Variants in HMOX2 observed in about 807,000 individuals in gnomAD.
HMOX2 encodes heme oxygenase (decycling) 2.
A neutral mutation model predicts 33.7 loss-of-function variants in HMOX2; 30 were observed. That is an observed-to-expected ratio of 0.89 (90% CI 0.67 to 1.21). HMOX2 has a LOEUF of 1.21. Among genes scored for constraint, HMOX2 ranks in the 50% most tolerant of loss-of-function variants. HMOX2 has a pLI of 0.00. For synonymous variants in HMOX2, 155 were observed against 155.0 expected, an observed-to-expected ratio of 1.00 and a Z score of 0.00; for missense variants, 403 against 399.1, an observed-to-expected ratio of 1.01 and a Z score of -0.08.
At position 4,506,973 on chromosome 16, in the gene HMOX2, G is replaced by A; in HGVS notation, c.165G>A (p.Lys55=). The stretch of plus-strand genomic sequence containing the variant: ...GGGCAGAAAACACCCAGTTTGTCAA[G>A]GACTTCTTGAAAGGCAACATTAAGA... ...HDRAENTQFV[K]DFLKGNIKKE... The change falls in exon 3 of 6, where the codon AAG becomes AAA. Residue 55 remains lysine, a synonymous_variant. Transcript: ENST00000570646. The A allele has an allele frequency of 6.2e-7, 1 of 1,613,878 alleles. No homozygotes were observed. The highest frequency in any genetic ancestry group is 2.2e-5 in the East Asian group (1 of 44,880).
intron 1 of HMOX2, among the ~76,000 whole-genome samples, chr16:4,488,400 A>G (rs1013755616): frequency 2.6e-5 from 4 of 152,194 alleles, no homozygotes; most frequent in Non-Finnish European, 5.9e-5. Context: ...CTTCACTTTA[A>G]TGTGTATAGT....
intron 1 of HMOX2, among the ~76,000 whole-genome samples, chr16:4,497,348 G>A (rs2058446962): frequency 6.6e-6 from 1 of 152,122 alleles, no homozygotes; most frequent in South Asian, 2.1e-4. Context: ...ATGAAGTCTA[G>A]CCTCTGTCCC....
chr16:4,479,052 G>A (rs2057947456), intron 1 of HMOX2, among the ~76,000 whole-genome samples: 2 of 152,150 alleles, frequency 1.3e-5, no homozygotes, highest in Non-Finnish European at 1.5e-5. Flanking sequence ...TCGGGAGGCT[G>A]AGCAAGGAGA....
In HMOX2 at chr16:4,498,747, G is replaced by A. The variant is rs1248010151; in HGVS notation, c.-41-6737G>A. Among the ~76,000 whole-genome samples, 7 of 152,322 alleles carry A rather than the reference G, an allele frequency of 4.6e-5. No homozygotes were observed. In the South Asian group the frequency reaches 1.4e-3, roughly 32 times the overall value. ...TGAACCGTGGGATTGAATTCCCCCA[G>A]CGATTGAAATGAAAGGGCTTATGTA... On this transcript the variant is annotated intron_variant, in intron 1 of 5. Coordinates refer to ENST00000570646, the MANE Select transcript of HMOX2 (RefSeq NM_002134.4).
intron 1 of HMOX2, among the ~76,000 whole-genome samples, chr16:4,479,859 C>T (rs1041936284): frequency 6.7e-6 from 1 of 149,288 alleles, no homozygotes; most frequent in Non-Finnish European, 1.5e-5. Flanking sequence ...CAGCCTCAGT[C>T]TCCTGAGTAG....
intron 1 of HMOX2, among the ~76,000 whole-genome samples, chr16:4,492,622 G>C (rs1284579827): frequency 6.6e-6 from 1 of 152,040 alleles, no homozygotes; most frequent in African/African-American, 2.4e-5. Flanking sequence ...GGGAGTCTGA[G>C]GCAGGAAAAT....
intron 2 of HMOX2, 66 bp downstream of exon 2, chr16:4,505,676 G>A: frequency 3.4e-6 from 4 of 1,178,364 alleles, no homozygotes; most frequent in Non-Finnish European, 3.7e-6. Flanking sequence ...CAGCACACCT[G>A]GTTTTGTCTG....
At chr16:4,490,927 T>C (rs2058290349) in intron 1 of HMOX2, among the ~76,000 whole-genome samples, 1 of 152,332 alleles carries the variant, frequency 6.6e-6, no homozygotes, top group South Asian at 2.1e-4. Flanking sequence ...TGTGTGTGTG[T>C]GTGTGCGTGC....
At chr16:4,507,403 C>G (rs372123440) in intron 3 of HMOX2, among the ~76,000 whole-genome samples, 45 of 151,788 alleles carry the variant, frequency 3.0e-4, no homozygotes, top group African/African-American at 1.1e-3. Context: ...CGAGATCGTC[C>G]CACTGTACTC....
At position 4,509,958 on chromosome 16, in the gene HMOX2, G is replaced by A. The variant is rs1257274965; in HGVS notation, c.*202G>A. On this transcript the variant is annotated 3_prime_UTR_variant, in exon 6 of 6. Transcript: ENST00000570646. ...CCATATTCCGCACTGGGCACAGGCC[G>A]TCACCCTGGGAGCAGTCGGCACAGT... 16 of 621,124 alleles carry A rather than the reference G, an allele frequency of 2.6e-5. No homozygotes were observed. Among genetic ancestry groups the A allele is most frequent in the Middle Eastern group, 4.4e-4 (1 of 2,294 alleles). 38.5% of individuals were successfully genotyped at this position (621,124 alleles called of 1,614,324 possible).
chr16:4,483,637 A>T (rs2058088156), intron 1 of HMOX2: 1 of 152,220 alleles, frequency 6.6e-6, no homozygotes, highest in South Asian at 2.1e-4. Flanking sequence ...TTTGAGACAG[A>T]GTCTTGCTGC....
rs776861637 is a variant in HMOX2, at chr16:4,506,950, G to A, written c.142G>A (p.Ala48Thr). ...AGGGACCAAGGAAGCACACGACCGG[G>A]CAGAAAACACCCAGTTTGTCAAGGA... ...KEGTKEAHDR[A>T]ENTQFVKDFL... Residue 48 changes from alanine to threonine, a missense_variant, in exon 3 of 6, where the codon GCA becomes ACA. Coordinates refer to ENST00000570646, the MANE Select transcript of HMOX2 (RefSeq NM_002134.4). 1 of 1,614,084 alleles carries A rather than the reference G, an allele frequency of 6.2e-7. No individual in the cohort carries two copies. Among genetic ancestry groups the A allele is most frequent in the Non-Finnish European group, 8.5e-7 (1 of 1,179,976 alleles).
upstream of HMOX2, chr16:4,476,375 T>A (rs529575024): frequency 4.6e-5 from 7 of 152,334 alleles, no homozygotes; most frequent in East Asian, 1.2e-3. Context: ...CGTGCCCACG[T>A]TGCGCCGGCC....
At chr16:4,478,473 C>T (rs150934181) in intron 1 of HMOX2, among the ~76,000 whole-genome samples, 206 of 152,066 alleles carry the variant, frequency 1.4e-3, no homozygotes, top group African/African-American at 4.6e-3. Context: ...ATTGTGGGCC[C>T]GGTGCAGTGG....
At position 4,508,064 on chromosome 16, in the gene HMOX2, T is replaced by G; in HGVS notation, c.556T>G (p.Phe186Val). The G allele has an allele frequency of 6.2e-7, 1 of 1,614,018 alleles. No homozygotes were observed. Among genetic ancestry groups the G allele is most frequent in the Non-Finnish European group, 8.5e-7 (1 of 1,180,000 alleles). The change falls in exon 4 of 6, where the codon TTC becomes GTC. Residue 186 changes from phenylalanine to valine, a missense_variant. Transcript: ENST00000570646. ...KLPSTGEGTQFYLFENVDNAQ... is the reference protein window; with the variant it reads ...KLPSTGEGTQVYLFENVDNAQ... ...CCCCAGCACAGGGGAAGGGACCCAG[T>G]TCTACCTGTTTGAGAATGTGGACAA... is the stretch of plus-strand genomic sequence containing the variant.
intron 1 of HMOX2, among the ~76,000 whole-genome samples, chr16:4,487,995 T>C (rs1469643086): frequency 6.7e-6 from 1 of 149,382 alleles, no homozygotes; most frequent in Non-Finnish European, 1.5e-5. Context: ...TGGTTTTGCA[T>C]GCCTGTAATC....
intron 1 of HMOX2, among the ~76,000 whole-genome samples, chr16:4,486,636 C>T (rs936561879): frequency 6.6e-6 from 1 of 152,190 alleles, no homozygotes; most frequent in Non-Finnish European, 1.5e-5. Context: ...CCAGAAAACT[C>T]TGGGCAGGTC....
intron 1 of HMOX2, among the ~76,000 whole-genome samples, chr16:4,480,244 C>T (rs548014139): frequency 1.6e-4 from 25 of 151,706 alleles, no homozygotes; most frequent in Non-Finnish European, 3.7e-4. Context: ...GATGGGGTTT[C>T]GCCATGTTGG....
intron 1 of HMOX2, among the ~76,000 whole-genome samples, chr16:4,487,385 G>C (rs2058195519): frequency 6.6e-6 from 1 of 152,036 alleles, no homozygotes; most frequent in Non-Finnish European, 1.5e-5. Context: ...TACAAAATTA[G>C]CCAGGCGTAG....
Sources: gnomAD v4.1 joint callset for allele counts (sites outside exome capture counted in the v4.1 genomes callset) on GRCh38, gnomAD v4.1.1 for gene constraint, MANE v1.5 for transcripts, NCBI Gene and HGNC (gene_info 2026-07-23, HGNC 2026-07-21) for gene names.